ARHGAP31: variants seen among roughly 807,000 people sequenced by gnomAD.
ARHGAP31 encodes rho GTPase-activating protein 31.
Under a neutral mutation model 113.9 loss-of-function variants are expected in ARHGAP31, and 34 were observed. The observed-to-expected ratio is 0.30, with a 90% confidence interval of 0.23 to 0.40. The LOEUF is 0.40. Ranked by LOEUF, ARHGAP31 falls within the 10% of genes least tolerant of loss-of-function variation. ARHGAP31 has a pLI of 1.00. For missense variants in ARHGAP31, 1,548 were observed against 1,767.1 expected (o/e 0.88, Z 2.22); for synonymous variants, 650 against 684.8 (o/e 0.95, Z 0.79).
intron 1 of ARHGAP31, among the ~76,000 whole-genome samples, chr3:119,332,832 T>C (rs2079907378): frequency 1.3e-5 from 2 of 152,162 alleles, no homozygotes; most frequent in African/African-American, 4.8e-5. Context: ...CTGACAGTGC[T>C]AAGCAGAGGT....
chr3:119,391,589 A>ACCCCCCCCCCCCCCCCCCCCCC (rs368549202), intron 7 of ARHGAP31, among the ~76,000 whole-genome samples: 66 of 103,710 alleles, frequency 6.4e-4, no homozygotes, highest in East Asian at 8.3e-4. Flanking sequence ...CTGGGTCTCT[A>ACCCCCCCCCCCCCCCCCCCCCC]CCCCCCCCTC....
rs2080791726 is a variant in ARHGAP31 at position 119,417,831 on chromosome 3, C to T, written c.*1567C>T. ...CCCAAAAAAGGACTTCACAGGGCAT[C>T]TCTTCTCAGGTTCAAGCCTGGCTGA... is the stretch of plus-strand genomic sequence containing the variant. On this transcript the variant is annotated 3_prime_UTR_variant, in exon 12 of 12. Transcript: ENST00000264245. 1 of 152,140 alleles carries T rather than the reference C, an allele frequency of 6.6e-6. No homozygotes were observed. The highest frequency in any genetic ancestry group is 1.5e-5 in the Non-Finnish European group (1 of 68,040). 9.4% of individuals were successfully genotyped at this position (152,140 alleles called of 1,614,324 possible).
In ARHGAP31 at chr3:119,294,685, G is replaced by C. The variant is rs1044099210; in HGVS notation, c.-220G>C. 3.7e-5 allele frequency: 22 copies of C among 591,086 alleles called. No individual in the cohort carries two copies. Among genetic ancestry groups the C allele is most frequent in the Non-Finnish European group, 5.6e-5 (19 of 336,674 alleles). 36.6% of individuals were successfully genotyped at this position (591,086 alleles called of 1,614,324 possible). On this transcript the variant is annotated 5_prime_UTR_variant, in exon 1 of 12. Transcript: ENST00000264245. ...CGCGGCTGCCAGTCTGCACGGCCTC[G>C]GCACGGCGGCCCCGGAGCGGCGCGG...
In ARHGAP31 at chr3:119,406,306, A is replaced by G. The variant is rs566522221; in HGVS notation, c.1646-3190A>G. On this transcript the variant is annotated intron_variant, in intron 10 of 11. Coordinates refer to ENST00000264245, the MANE Select transcript of ARHGAP31 (RefSeq NM_020754.4). ...AGCTCTACAAAAAGGGACACTGGCA[A>G]GTTCCTCCAACTACTAGATTTAGAA... Among the ~76,000 whole-genome samples, 7 of 152,362 alleles carry G rather than the reference A, an allele frequency of 4.6e-5. No individual in the cohort carries two copies. The South Asian group carries it at 1.5e-3, about 32-fold the overall frequency.
intron 1 of ARHGAP31, chr3:119,329,970 G>C: frequency 3.0e-6 from 3 of 985,478 alleles, no homozygotes; most frequent in Non-Finnish European, 3.6e-6. Flanking sequence ...AAGAGAATGA[G>C]TCTGTGTCTA....
intron 9 of ARHGAP31, 80 bp downstream of exon 9, chr3:119,399,341 C>G: frequency 8.3e-7 from 1 of 1,202,616 alleles, no homozygotes; most frequent in Non-Finnish European, 1.2e-6. Flanking sequence ...AGCTGTCATG[C>G]CTGCTTCTCT....
In ARHGAP31 at chr3:119,418,601, T is replaced by C. The variant is rs1441043380; in HGVS notation, c.*2337T>C. On this transcript the variant is annotated 3_prime_UTR_variant, in exon 12 of 12. Transcript: ENST00000264245. ...GTAACATTTATAAGATCTATTTTTA[T>C]TTGGGGATAGACTGAGAAGCCACCA... The C allele has an allele frequency of 6.6e-6, 1 of 152,234 alleles. No homozygotes were observed. Among genetic ancestry groups the C allele is most frequent in the Non-Finnish European group, 1.5e-5 (1 of 68,038 alleles). The allele number at this position is 152,234 out of a possible 1,614,324, so 9.4% of individuals were successfully genotyped here.
At chr3:119,304,329 G>A (rs543357917) in intron 1 of ARHGAP31, among the ~76,000 whole-genome samples, 1 of 152,306 alleles carries the variant, frequency 6.6e-6, no homozygotes, top group Admixed American at 6.5e-5. Context: ...GCAGCCAAGT[G>A]AGAAAGAACC....
intron 4 of ARHGAP31, among the ~76,000 whole-genome samples, chr3:119,381,359 AT>A (rs1451242895): frequency 1.3e-5 from 2 of 152,120 alleles, no homozygotes; most frequent in Non-Finnish European, 2.9e-5. Flanking sequence ...GCTCTTGAGC[AT>A]TGGCTGATTG....
chr3:119,377,093 A>G (rs1041751890), intron 3 of ARHGAP31, among the ~76,000 whole-genome samples: 2 of 152,256 alleles, frequency 1.3e-5, no homozygotes, highest in African/African-American at 2.4e-5. Context: ...TTCAAGCACA[A>G]AGCAAAATAT....
At chr3:119,315,790 G>A (rs144762358) in intron 1 of ARHGAP31, among the ~76,000 whole-genome samples, 7 of 152,332 alleles carry the variant, frequency 4.6e-5, no homozygotes, top group African/African-American at 1.7e-4. Context: ...GCACAATACA[G>A]AGAATGTGAA....
chr3:119,333,918 T>A (rs2079918292), intron 1 of ARHGAP31, among the ~76,000 whole-genome samples: 1 of 151,900 alleles, frequency 6.6e-6, no homozygotes, highest in East Asian at 1.9e-4. Context: ...TGGTGGGAGG[T>A]TTAAATGACA....
At chr3:119,407,963 A>C (rs1222690410) in intron 10 of ARHGAP31, among the ~76,000 whole-genome samples, 1 of 152,230 alleles carries the variant, frequency 6.6e-6, no homozygotes, top group Non-Finnish European at 1.5e-5. Flanking sequence ...TATTCTTGCC[A>C]TTATTTCTTA....
chr3:119,330,016 T>C, intron 1 of ARHGAP31: 2 of 985,350 alleles, frequency 2.0e-6, no homozygotes, highest in Non-Finnish European at 2.4e-6. Context: ...GGTGACTCCA[T>C]TTGCCAGTTG....
At chr3:119,363,328 C>A (rs1329937284) in intron 1 of ARHGAP31, among the ~76,000 whole-genome samples, 1 of 152,152 alleles carries the variant, frequency 6.6e-6, no homozygotes, top group East Asian at 1.9e-4. Context: ...TAAAACAGAT[C>A]AAATCATAGC....
At chr3:119,344,884 T>G (rs1163978287) in intron 1 of ARHGAP31, among the ~76,000 whole-genome samples, 1 of 152,218 alleles carries the variant, frequency 6.6e-6, no homozygotes, top group Admixed American at 6.5e-5. Context: ...TAACCAACCA[T>G]AGTTTTTTTA....
At chr3:119,377,072 T>C (rs1226841344) in intron 3 of ARHGAP31, among the ~76,000 whole-genome samples, 1 of 152,236 alleles carries the variant, frequency 6.6e-6, no homozygotes, top group Non-Finnish European at 1.5e-5. Flanking sequence ...CAAATGTGGC[T>C]GTTTAGCTTT....
chr3:119,340,929 T>C (rs12496088), intron 1 of ARHGAP31, among the ~76,000 whole-genome samples: 61,294 of 152,110 alleles, frequency 0.4, 14,497 homozygotes, highest in African/African-American at 0.67. Flanking sequence ...CTATACCCGA[T>C]TTCTTCCCGT....
rs775405250 is a variant in ARHGAP31, at chr3:119,414,870, GA to G, written c.2942del (p.Glu981GlyfsTer24). 6.2e-7 allele frequency: 1 copy of G among 1,614,214 alleles called. No individual in the cohort carries two copies. Among genetic ancestry groups the G allele is most frequent in the Non-Finnish European group, 8.5e-7 (1 of 1,180,040 alleles). ...CAGCAGCTGTGCTAATCTTGAAACA[GA>G]GAGGAATTCTGACCCTCTTCAGCCC... ...SSSSCANLET[E>X]RNSDPLQPQA... is the part of the protein sequence containing the mutation. On this transcript the variant is annotated frameshift_variant, in exon 12 of 12. Transcript: ENST00000264245. LOFTEE classifies it high-confidence loss of function.
Sources: gnomAD v4.1 joint callset for allele counts (sites outside exome capture counted in the v4.1 genomes callset) on GRCh38, gnomAD v4.1.1 for gene constraint, MANE v1.5 for transcripts, NCBI Gene and HGNC (gene_info 2026-07-23, HGNC 2026-07-21) for gene names.